The following KCNN3 variants were observed in gnomAD, a reference collection of about 807,000 sequenced individuals.
KCNN3 encodes small conductance calcium-activated potassium channel protein 3.
Under a neutral mutation model 62.9 loss-of-function variants are expected in KCNN3, and 16 were observed. The ratio of observed to expected loss-of-function variants is 0.25; its 90% CI spans 0.17 to 0.39. The LOEUF (loss-of-function observed/expected upper bound fraction) is 0.39, where lower values mean the gene tolerates loss of function less well. Ranked by LOEUF, KCNN3 falls within the 10% of genes least tolerant of loss-of-function variation. KCNN3 has a pLI of 1.00. For missense variants in KCNN3, 599 were observed against 949.4 expected, an observed-to-expected ratio of 0.63 and a Z score of 4.85; for synonymous variants, 370 against 389.2, an observed-to-expected ratio of 0.95 and a Z score of 0.58.
chr1:154,868,456 G>A, intron 1 of KCNN3: 1 of 563,550 alleles, frequency 1.8e-6, no homozygotes, highest in Non-Finnish European at 2.3e-6. Flanking sequence ...CTTGGGAAGA[G>A]ATGGAGAAGA....
intron 3 of KCNN3, among the ~76,000 whole-genome samples, chr1:154,753,382 A>C (rs927124385): frequency 6.6e-6 from 1 of 152,158 alleles, no homozygotes; most frequent in Non-Finnish European, 1.5e-5. Context: ...CTAGAACACC[A>C]ATCACAATTC....
chr1:154,815,364 G>C (rs1650619332), intron 2 of KCNN3, among the ~76,000 whole-genome samples: 1 of 151,890 alleles, frequency 6.6e-6, no homozygotes, highest in South Asian at 2.1e-4. Flanking sequence ...GGCCAGCTTT[G>C]TCCTGAGCAT....
chr1:154,700,438 A>C lies in KCNN3; in HGVS notation c.*7538T>G, dbSNP rs1047310034. 1.3e-5 allele frequency: 2 copies of C among 152,194 alleles called. No individual in the cohort carries two copies. Among genetic ancestry groups the C allele is most frequent in the African/African-American group, 4.8e-5 (2 of 41,444 alleles). 9.4% of individuals were successfully genotyped at this position (152,194 alleles called of 1,614,324 possible). A position where few individuals can be genotyped will look rare whatever the true frequency, so the allele number is the denominator to read the frequency against. ...TTTCCTTGATTCTAGATGGAATACA[A>C]CTTTGAGGGGAAAGGTCAGAATATA... is the stretch of plus-strand genomic sequence containing the variant. On this transcript the variant is annotated 3_prime_UTR_variant, in exon 8 of 8. Transcript: ENST00000271915.
chr1:154,856,045 G>A (rs1264276633), intron 1 of KCNN3, among the ~76,000 whole-genome samples: 2 of 152,186 alleles, frequency 1.3e-5, no homozygotes, highest in African/African-American at 4.8e-5. Flanking sequence ...AACAGCCTCA[G>A]GTACCTCGGG....
chr1:154,726,098 C>T lies in KCNN3; in HGVS notation c.1591-72G>A, dbSNP rs377008662. 4.0e-4 allele frequency: 457 copies of T among 1,151,352 alleles called. 1 individual carries two copies. The highest frequency in any genetic ancestry group is 7.7e-4 in the African/African-American group (51 of 66,346). The allele number at this position is 1,151,352 out of a possible 1,614,324, so 71.3% of individuals were successfully genotyped here. ...AAGAGGCAAGATGAGAGACTCAACACGCCTGGCGGCCACGGGGGTAATTTC... is the reference window on the plus strand; with the variant it reads ...AAGAGGCAAGATGAGAGACTCAACATGCCTGGCGGCCACGGGGGTAATTTC... On this transcript the variant is annotated intron_variant, in intron 4 of 7. Coordinates refer to ENST00000271915, the MANE Select transcript of KCNN3 (RefSeq NM_002249.6).
chr1:154,841,219 C>T (rs1297973179), intron 1 of KCNN3, among the ~76,000 whole-genome samples: 1 of 152,212 alleles, frequency 6.6e-6, no homozygotes, highest in East Asian at 1.9e-4. Flanking sequence ...CCACAGACTC[C>T]ACATTAAATG....
At chr1:154,832,184 A>G (rs898275066) in intron 1 of KCNN3, among the ~76,000 whole-genome samples, 1 of 151,780 alleles carries the variant, frequency 6.6e-6, no homozygotes, top group Non-Finnish European at 1.5e-5. Flanking sequence ...TCCTTCTCCA[A>G]TAAAAAAATG....
intron 6 of KCNN3, among the ~76,000 whole-genome samples, chr1:154,714,040 G>A (rs1700135025): frequency 1.0e-5 from 1 of 95,440 alleles, no homozygotes; most frequent in Non-Finnish European, 2.3e-5. Flanking sequence ...TGTGATGTGT[G>A]GTGTGTGCGG....
At chr1:154,722,563 G>A (rs1700377566) in intron 5 of KCNN3, among the ~76,000 whole-genome samples, 2 of 149,330 alleles carry the variant, frequency 1.3e-5, no homozygotes, top group African/African-American at 4.9e-5. Context: ...AATTTTTTTG[G>A]ATTTTTTTTT....
rs756182511 is a variant in KCNN3, at chr1:154,869,695, T to A, written c.270A>T (p.Gln90His). ...QPPHPLSQLA[Q>H]LQSQPVHPGL... ...CAGGGTGGACGGGCTGGCTCTGGAG[T>A]TGGGCGAGCTGAGACAGGGGATGCG... Residue 90 changes from glutamine (Q) to histidine (H), a missense_variant, in exon 1 of 8, where the codon CAA becomes CAT. Coordinates refer to ENST00000271915, the MANE Select transcript of KCNN3 (RefSeq NM_002249.6). The surrounding 1 kb of genome is among the most constrained non-coding windows in gnomAD (Gnocchi z 6.1). The A allele has an allele frequency of 1.3e-6, 2 of 1,567,792 alleles. No homozygotes were observed. The highest frequency in any genetic ancestry group is 2.8e-5 in the African/African-American group (2 of 70,404).
intron 1 of KCNN3, among the ~76,000 whole-genome samples, chr1:154,858,933 G>A (rs1057013932): frequency 7.2e-5 from 11 of 152,160 alleles, no homozygotes; most frequent in African/African-American, 2.7e-4. Context: ...ACAGGGCTGG[G>A]AGGCATATGC....
chr1:154,869,314 CG>C lies in KCNN3; in HGVS notation c.650del (p.Pro217ArgfsTer67). On this transcript the variant is annotated frameshift_variant, in exon 1 of 8. Transcript: ENST00000271915. LOFTEE classifies it high-confidence loss of function. This position sits in a 1 kb window ranked among gnomAD's most constrained non-coding sequence, Gnocchi z 6.1. ...CCTCCCGGGAGGAGATGACGATCTCCGGGGGGTTGCTAGGGCTGAAAAGCTG... is the reference window on the plus strand; with the variant it reads ...CCTCCCGGGAGGAGATGACGATCTCCGGGGGTTGCTAGGGCTGAAAAGCTG... ...PLQLFSPSNP[P>X]EIVISSREDN... is the part of the protein sequence containing the mutation. 1 of 1,613,542 alleles carries C rather than the reference CG, an allele frequency of 6.2e-7. No individual in the cohort carries two copies. Among genetic ancestry groups the C allele is most frequent in the Non-Finnish European group, 8.5e-7 (1 of 1,179,642 alleles).
chr1:154,861,208 G>A (rs1268255579), intron 1 of KCNN3, among the ~76,000 whole-genome samples: 1 of 151,966 alleles, frequency 6.6e-6, no homozygotes, highest in Non-Finnish European at 1.5e-5. Flanking sequence ...ACCCTCCTTG[G>A]CCTCTCAAAG....
chr1:154,719,068 G>A lies in KCNN3; in HGVS notation c.1702-4065C>T, dbSNP rs185427426. 2.0e-3 allele frequency among the ~76,000 whole-genome samples: 300 copies of A among 152,244 alleles called. 9 individuals carry two copies. Among genetic ancestry groups the A allele is most frequent in the Admixed American group, 0.018 (281 of 15,284 alleles). On this transcript the variant is annotated intron_variant, in intron 5 of 7. Transcript: ENST00000271915. Reference sequence around the variant, plus strand: ...TACTTGCTATTACAGAGGGGCTGTCGGTTGCGGCAAGAATGCTTGGGGCAG... The same window carrying A: ...TACTTGCTATTACAGAGGGGCTGTCAGTTGCGGCAAGAATGCTTGGGGCAG...
intron 2 of KCNN3, among the ~76,000 whole-genome samples, chr1:154,820,356 G>C (rs1272784824): frequency 6.6e-6 from 1 of 152,232 alleles, no homozygotes; most frequent in Admixed American, 6.5e-5. Context: ...CCAAAGTGTG[G>C]GGTTGAGGCT....
chr1:154,788,068 T>C (rs1381393865), intron 2 of KCNN3, among the ~76,000 whole-genome samples: 2 of 152,172 alleles, frequency 1.3e-5, no homozygotes, highest in Non-Finnish European at 2.9e-5. Context: ...GCGCCTCCAC[T>C]GGAGGCTGGC....
intron 1 of KCNN3, among the ~76,000 whole-genome samples, chr1:154,844,109 G>T (rs146122689): frequency 9.2e-5 from 14 of 152,286 alleles, no homozygotes; most frequent in African/African-American, 3.4e-4. Context: ...AATGTCCCCC[G>T]TTACACACAG....
intron 2 of KCNN3, among the ~76,000 whole-genome samples, chr1:154,786,651 A>G (rs1281309567): frequency 6.6e-6 from 1 of 152,246 alleles, no homozygotes; most frequent in Non-Finnish European, 1.5e-5. Context: ...TTTTTGTATA[A>G]GCACACACAA....
chr1:154,714,065 T>G (rs1476335182), intron 6 of KCNN3, among the ~76,000 whole-genome samples: 6 of 4,216 alleles, frequency 1.4e-3, no homozygotes, highest in South Asian at 7.5e-3. Flanking sequence ...TGTGTGTGTG[T>G]GGTGTTTGTG....
Sources: allele counts gnomAD v4.1 joint callset (sites outside exome capture counted in the v4.1 genomes callset), GRCh38; gene constraint gnomAD v4.1.1; non-coding constraint Gnocchi (gnomAD v3.1); transcripts MANE v1.5; gene names NCBI Gene and HGNC (gene_info 2026-07-23, HGNC 2026-07-21).